NMNAT3: variants seen among roughly 807,000 people sequenced by gnomAD.
NMNAT3 encodes the protein nicotinamide nucleotide adenylyltransferase 3.
A neutral mutation model predicts 24.8 loss-of-function variants in NMNAT3; 21 were observed. The ratio of observed to expected loss-of-function variants is 0.85; its 90% CI spans 0.60 to 1.22. NMNAT3 has a LOEUF of 1.22. Ranked by LOEUF, NMNAT3 falls within the 50% of genes most tolerant of loss-of-function variation. NMNAT3 has a pLI of 0.00. For synonymous variants in NMNAT3, 136 were observed against 155.2 expected (o/e 0.88, Z 0.92); for missense variants, 387 against 436.6 (o/e 0.89, Z 1.01).
chr3:139,610,268 C>G (rs2055148006), intron 3 of NMNAT3, among the ~76,000 whole-genome samples: 1 of 152,028 alleles, frequency 6.6e-6, no homozygotes, highest in Non-Finnish European at 1.5e-5. Context: ...AGAGGACATG[C>G]CATGAAAATT....
At chr3:139,573,112 A>G (rs1938674543) in intron 6 of NMNAT3, among the ~76,000 whole-genome samples, 1 of 152,232 alleles carries the variant, frequency 6.6e-6, no homozygotes, top group African/African-American at 2.4e-5. Flanking sequence ...ATCTAGGCTT[A>G]CAAATTAAGA....
At chr3:139,635,401 T>C (rs2056464017) in intron 2 of NMNAT3, 1 of 152,202 alleles carries the variant, frequency 6.6e-6, no homozygotes, top group African/African-American at 2.4e-5. Flanking sequence ...GCATCTCTTG[T>C]CCCTGGAATT....
intron 1 of NMNAT3, among the ~76,000 whole-genome samples, chr3:139,644,636 T>G (rs2056811995): frequency 6.6e-6 from 1 of 152,098 alleles, no homozygotes; most frequent in Non-Finnish European, 1.5e-5. Context: ...AAAAGGACCA[T>G]AAATAACATG....
intron 3 of NMNAT3, among the ~76,000 whole-genome samples, chr3:139,609,443 T>C (rs1008282886): frequency 6.6e-6 from 1 of 152,194 alleles, no homozygotes; most frequent in Non-Finnish European, 1.5e-5. Flanking sequence ...AGGTGTGTAG[T>C]AATATCTTAT....
chr3:139,592,591 G>A (rs555386406), intron 3 of NMNAT3, among the ~76,000 whole-genome samples: 2,455 of 152,284 alleles, frequency 0.016, 67 homozygotes, highest in African/African-American at 0.056. Context: ...TACCCTCAAA[G>A]GGAAGCCCAT....
Position 139,638,061 on chromosome 3 carries a change from A to T in NMNAT3, c.-139T>A, listed in dbSNP as rs2056566702. 6.6e-6 allele frequency: 1 copy of T among 152,196 alleles called. No individual in the cohort carries two copies. Among genetic ancestry groups the T allele is most frequent in the Non-Finnish European group, 1.5e-5 (1 of 68,046 alleles). 9.4% of individuals were successfully genotyped at this position (152,196 alleles called of 1,614,324 possible). On this transcript the variant is annotated splice_region_variant and 5_prime_UTR_variant, in exon 2 of 7. Coordinates refer to ENST00000643695, the MANE Select transcript of NMNAT3 (RefSeq NM_001320510.2). ...TGGCAGGATCTAGGCTGAAGCAGGTAGCTGTGGAAGAAATATTCCCCAAGT... is the reference window on the plus strand; with the variant it reads ...TGGCAGGATCTAGGCTGAAGCAGGTTGCTGTGGAAGAAATATTCCCCAAGT...
At chr3:139,633,817 C>A (rs1310450685) in intron 2 of NMNAT3, among the ~76,000 whole-genome samples, 1 of 152,026 alleles carries the variant, frequency 6.6e-6, no homozygotes, top group East Asian at 1.9e-4. Context: ...ACCCTGGGTG[C>A]CTATGGAGTT....
At chr3:139,585,233 CT>C (rs2053885757) in intron 3 of NMNAT3, among the ~76,000 whole-genome samples, 1 of 151,946 alleles carries the variant, frequency 6.6e-6, no homozygotes, top group Non-Finnish European at 1.5e-5. Flanking sequence ...TGCCTTTCAG[CT>C]CTATCAGTTT....
chr3:139,575,780 G>A (rs1576541811), intron 5 of NMNAT3: 1 of 1,162,868 alleles, frequency 8.6e-7, no homozygotes, highest in South Asian at 1.8e-5. Flanking sequence ...CTGGGGGCAT[G>A]TTCTTGGTGT....
intron 5 of NMNAT3, chr3:139,575,497 G>C: frequency 1.4e-6 from 1 of 729,930 alleles, no homozygotes; most frequent in Non-Finnish European, 1.7e-6. Context: ...TCTTGGAGTT[G>C]CTGAGCTTAC....
chr3:139,629,003 T>G (rs938427747), intron 2 of NMNAT3, among the ~76,000 whole-genome samples: 8 of 152,180 alleles, frequency 5.3e-5, no homozygotes, highest in Non-Finnish European at 8.8e-5. Context: ...TGGTAGGCAG[T>G]GTTTAAGATG....
intron 1 of NMNAT3, among the ~76,000 whole-genome samples, chr3:139,667,296 C>T (rs2057613839): frequency 6.6e-6 from 1 of 152,060 alleles, no homozygotes; most frequent in Admixed American, 6.5e-5. Flanking sequence ...TGATAATAGT[C>T]ATTTTAAATA....
chr3:139,612,794 C>A (rs1337652605), intron 3 of NMNAT3, among the ~76,000 whole-genome samples: 1 of 152,092 alleles, frequency 6.6e-6, no homozygotes, highest in Non-Finnish European at 1.5e-5. Context: ...AGATATAGAC[C>A]AATGGAACAG....
chr3:139,642,385 C>A (rs1456358927), intron 1 of NMNAT3, among the ~76,000 whole-genome samples: 2 of 152,054 alleles, frequency 1.3e-5, no homozygotes, highest in Non-Finnish European at 2.9e-5. Flanking sequence ...AGATAAGTAT[C>A]TTCTGCATAA....
At chr3:139,659,285 C>A (rs2057341816) in intron 1 of NMNAT3, among the ~76,000 whole-genome samples, 1 of 152,110 alleles carries the variant, frequency 6.6e-6, no homozygotes, top group Non-Finnish European at 1.5e-5. Context: ...CAGAGGTGCT[C>A]AAAGTTAGCA....
Position 139,620,172 on chromosome 3 carries a change from A to G in NMNAT3, c.109+7444T>C, listed in dbSNP as rs1299475469. On this transcript the variant is annotated intron_variant, in intron 3 of 6. Transcript: ENST00000643695. ...TGCCCTAAAGAATGTATTGTATCTT[A>G]TGTATAACTGAAGCAACCTTGTGGA... 1.9e-4 allele frequency among the ~76,000 whole-genome samples: 27 copies of G among 145,378 alleles called. 1 individual carries two copies. The highest frequency in any genetic ancestry group is 7.5e-4 in the Admixed American group (11 of 14,618).
chr3:139,580,155 T>A (rs1469527794), intron 4 of NMNAT3, among the ~76,000 whole-genome samples: 3 of 152,140 alleles, frequency 2.0e-5, no homozygotes, highest in Non-Finnish European at 4.4e-5. Context: ...CTGTAAGAGA[T>A]CTTGTGTGTT....
chr3:139,583,854 G>A (rs987815372), intron 3 of NMNAT3, among the ~76,000 whole-genome samples: 1 of 152,234 alleles, frequency 6.6e-6, no homozygotes, highest in African/African-American at 2.4e-5. Context: ...GCCACGCGAC[G>A]GGCTGTGATC....
At chr3:139,672,526 C>G (rs1332701227) in intron 1 of NMNAT3, 1 of 152,240 alleles carries the variant, frequency 6.6e-6, no homozygotes, top group African/African-American at 2.4e-5. Context: ...AAGAGCCACA[C>G]AATTACAATC....
Sources: allele counts gnomAD v4.1 joint callset (sites outside exome capture counted in the v4.1 genomes callset), GRCh38; gene constraint gnomAD v4.1.1; transcripts MANE v1.5; gene names NCBI Gene and HGNC (gene_info 2026-07-23, HGNC 2026-07-21).